GOLGA8B: variants seen among roughly 807,000 people sequenced by gnomAD.
GOLGA8B encodes the protein golgin A8 family member B.
A neutral mutation model predicts 15.6 loss-of-function variants in GOLGA8B; 1 was observed. That is an observed-to-expected ratio of 0.06 (90% CI 0.02 to 0.30). GOLGA8B has a LOEUF of 0.30. GOLGA8B is among the 10% of genes least tolerant of loss of function. The pLI, the probability that GOLGA8B is intolerant of heterozygous loss-of-function variation, is 1.00. For missense variants in GOLGA8B, 17 were observed against 201.3 expected (o/e 0.08, Z 5.54); for synonymous variants, 9 against 80.3 (o/e 0.11, Z 4.75).
At position 34,527,424 on chromosome 15, in the gene GOLGA8B, G is replaced by A; in HGVS notation, c.*208C>T. 4.7e-6 allele frequency: 3 copies of A among 644,256 alleles called. No homozygotes were observed. The highest frequency in any genetic ancestry group is 7.2e-5 in the East Asian group (2 of 27,970). 39.9% of individuals were successfully genotyped at this position (644,256 alleles called of 1,614,324 possible). ...GAAATGAAAAAAGAAAAATGCTAAA[G>A]GATGCCAGAGTGAACATCAGTGAGA... is the stretch of plus-strand genomic sequence containing the variant. On this transcript the variant is annotated 3_prime_UTR_variant, in exon 24 of 24. Coordinates refer to ENST00000683415, the MANE Select transcript of GOLGA8B (RefSeq NM_001023567.5).
intron 1 of GOLGA8B, among the ~76,000 whole-genome samples, chr15:34,575,224 C>T (rs1200968779): frequency 5.3e-5 from 8 of 152,122 alleles, no homozygotes; most frequent in Admixed American, 1.3e-4. Flanking sequence ...CTCCACATGA[C>T]GCTGGCGGTG....
chr15:34,577,683 A>G (rs1260671349), intron 1 of GOLGA8B, among the ~76,000 whole-genome samples: 1 of 152,212 alleles, frequency 6.6e-6, no homozygotes, highest in Non-Finnish European at 1.5e-5. Flanking sequence ...GTTATAGGGT[A>G]CAGCCTACTG....
chr15:34,567,955 T>C (rs1016119324), intron 1 of GOLGA8B, among the ~76,000 whole-genome samples: 13 of 151,232 alleles, frequency 8.6e-5, no homozygotes, highest in Non-Finnish European at 1.8e-4. Flanking sequence ...CATCCCAAAC[T>C]GGAAGGAAGG....
At chr15:34,576,483 C>T (rs1239557063) in intron 1 of GOLGA8B, among the ~76,000 whole-genome samples, 1 of 152,200 alleles carries the variant, frequency 6.6e-6, no homozygotes, top group Non-Finnish European at 1.5e-5. Flanking sequence ...ACGTCTTCCC[C>T]AACAACCACA....
At chr15:34,578,267 C>T (rs1196352804) in intron 1 of GOLGA8B, among the ~76,000 whole-genome samples, 2 of 152,200 alleles carry the variant, frequency 1.3e-5, no homozygotes, top group African/African-American at 4.8e-5. Context: ...ACCATGTTAG[C>T]CACCTTCCTG....
At chr15:34,581,784 C>T (rs191161330) in intron 1 of GOLGA8B, among the ~76,000 whole-genome samples, 268 of 152,268 alleles carry the variant, frequency 1.8e-3, no homozygotes, top group Middle Eastern at 6.8e-3. Context: ...CTTCTCCCAG[C>T]CCAAGAGCCA....
At chr15:34,578,099 T>C (rs1319635943) in intron 1 of GOLGA8B, among the ~76,000 whole-genome samples, 2 of 152,228 alleles carry the variant, frequency 1.3e-5, no homozygotes, top group Non-Finnish European at 2.9e-5. Context: ...AGTAGTGTTC[T>C]CTGACTCACT....
intron 1 of GOLGA8B, among the ~76,000 whole-genome samples, chr15:34,582,492 C>A (rs79896792): frequency 2.0e-5 from 3 of 152,242 alleles, no homozygotes; most frequent in East Asian, 1.9e-4. Flanking sequence ...AAGTTTGGGG[C>A]GCTTCATCCA....
rs112230892 is a variant in GOLGA8B at position 34,567,487 on chromosome 15, T to G, written c.-1122-13531A>C. ...GCAGGCTGCAGCTACTAATTTTCCA[T>G]TAAACGAGAAGAAAATCGGCTATTG... On this transcript the variant is annotated intron_variant, in intron 1 of 23. Transcript: ENST00000683415. Among the ~76,000 whole-genome samples, 224 of 151,130 alleles carry G rather than the reference T, an allele frequency of 1.5e-3. 1 individual carries two copies. Among genetic ancestry groups the G allele is most frequent in the African/African-American group, 4.7e-3 (190 of 40,584 alleles).
At chr15:34,577,504 TCATA>T (rs1335309015) in intron 1 of GOLGA8B, among the ~76,000 whole-genome samples, 350 of 100,674 alleles carry the variant, frequency 3.5e-3, no homozygotes, top group Middle Eastern at 0.022. Context: ...AAATTATATA[TCATA>T]CACACACACA....
At position 34,579,867 on chromosome 15, in the gene GOLGA8B, CAA is replaced by C. The variant is rs1269791322; in HGVS notation, c.-1123+3647_-1123+3648del. ...TAGCTACTGGGGATCCAGAGGTGAA[CAA>C]AGTCTTTTACATTTGAGTGATAAGA... is the stretch of plus-strand genomic sequence containing the variant. On this transcript the variant is annotated intron_variant, in intron 1 of 23. Coordinates refer to ENST00000683415, the MANE Select transcript of GOLGA8B (RefSeq NM_001023567.5). Among the ~76,000 whole-genome samples, 5 of 152,214 alleles carry C rather than the reference CAA, an allele frequency of 3.3e-5. No individual in the cohort carries two copies. The East Asian group carries it at 7.7e-4, about 23-fold the overall frequency.
intron 1 of GOLGA8B, among the ~76,000 whole-genome samples, chr15:34,582,481 G>T (rs79732377): frequency 6.6e-6 from 1 of 152,262 alleles, no homozygotes; most frequent in African/African-American, 2.4e-5. Flanking sequence ...CGCAAGATGC[G>T]AAGTTTGGGG....
intron 1 of GOLGA8B, among the ~76,000 whole-genome samples, chr15:34,583,036 G>A (rs1460365860): frequency 1.3e-5 from 2 of 152,172 alleles, no homozygotes; most frequent in Non-Finnish European, 1.5e-5. Context: ...GAAGATCCGG[G>A]CTCGGGTTCT....
chr15:34,530,883 TACAC>T (rs377524005), intron 15 of GOLGA8B, among the ~76,000 whole-genome samples: 2 of 8 alleles, frequency 0.25, no homozygotes, highest in African/African-American at 0.25. Flanking sequence ...TCATACTATG[TACAC>T]ACACACACAC....
rs1322483952 is a variant in GOLGA8B, at chr15:34,559,907, A to G, written c.-1122-5951T>C. Among the ~76,000 whole-genome samples the G allele has an allele frequency of 2.0e-5, 3 of 149,182 alleles. No homozygotes were observed. The East Asian group carries it at 5.9e-4, about 29-fold the overall frequency. The stretch of plus-strand genomic sequence containing the variant: ...CACAGTAGGGATGAGCTGTGATTAC[A>G]CCCATTCAGGCCTGTGGACCTGCGG... On this transcript the variant is annotated intron_variant, in intron 1 of 23. Transcript: ENST00000683415.
At chr15:34,583,309 G>C (rs933979826) in intron 1 of GOLGA8B, among the ~76,000 whole-genome samples, 15 of 152,206 alleles carry the variant, frequency 9.9e-5, no homozygotes, top group Admixed American at 6.5e-4. Context: ...GGATGGGCCG[G>C]TCCGAGAGGC....
chr15:34,563,400 G>A (rs2140344882), intron 1 of GOLGA8B, among the ~76,000 whole-genome samples: 1 of 147,846 alleles, frequency 6.8e-6, no homozygotes, highest in East Asian at 2.0e-4. Context: ...TGGTGTCGGA[G>A]TCTAGTGCCT....
intron 1 of GOLGA8B, among the ~76,000 whole-genome samples, chr15:34,572,514 C>G (rs1888947441): frequency 1.3e-5 from 2 of 152,132 alleles, no homozygotes; most frequent in South Asian, 4.1e-4. Flanking sequence ...GTGAGCGGAT[C>G]GAAGTGCAAA....
At chr15:34,564,214 A>G (rs1459656378) in intron 1 of GOLGA8B, among the ~76,000 whole-genome samples, 1 of 144,524 alleles carries the variant, frequency 6.9e-6, no homozygotes, top group Non-Finnish European at 1.5e-5. Flanking sequence ...CCCAGTATAT[A>G]CACATCGCTG....
Sources: allele counts gnomAD v4.1 joint callset (sites outside exome capture counted in the v4.1 genomes callset), GRCh38; gene constraint gnomAD v4.1.1; transcripts MANE v1.5; gene names NCBI Gene and HGNC (gene_info 2026-07-23, HGNC 2026-07-21).